Variants in MYOM1 observed in about 807,000 individuals in gnomAD.
MYOM1 encodes the protein myomesin 1.
A neutral mutation model predicts 205.3 loss-of-function variants in MYOM1; 164 were observed. That is an observed-to-expected ratio of 0.80 (90% CI 0.70 to 0.91). The LOEUF is 0.91. MYOM1 is among the 40% of genes least tolerant of loss of function. MYOM1 has a pLI of 0.00. For synonymous variants in MYOM1, 772 were observed against 789.4 expected (o/e 0.98, Z 0.37); for missense variants, 2,011 against 2,127.3 (o/e 0.95, Z 1.08).
intron 26 of MYOM1, among the ~76,000 whole-genome samples, chr18:3,092,027 C>T (rs1326670905): frequency 6.6e-6 from 1 of 151,530 alleles, no homozygotes; most frequent in Non-Finnish European, 1.5e-5. Flanking sequence ...CCACTGCTCC[C>T]GGCCTACATT....
At position 3,198,408 on chromosome 18, in the gene MYOM1, G is replaced by C. The variant is rs143644573; in HGVS notation, c.291-4450C>G. On this transcript the variant is annotated intron_variant, in intron 2 of 37. Transcript: ENST00000356443. The stretch of plus-strand genomic sequence containing the variant: ...CACTGCCTGTGACTACTCCAGAAGA[G>C]GGATGGTCTCAGTGATTTTTATATT... 4.4e-3 allele frequency among the ~76,000 whole-genome samples: 664 copies of C among 152,310 alleles called. 12 individuals carry two copies. The highest frequency in any genetic ancestry group is 0.035 in the East Asian group (183 of 5,188).
chr18:3,101,497 G>C (rs774411128), intron 23 of MYOM1, among the ~76,000 whole-genome samples: 7 of 152,158 alleles, frequency 4.6e-5, no homozygotes, highest in Non-Finnish European at 1.0e-4. Context: ...TTAAATAGCT[G>C]CCCAAGGTTA....
At chr18:3,212,471 T>A (rs1362975859) in intron 2 of MYOM1, among the ~76,000 whole-genome samples, 2 of 152,176 alleles carry the variant, frequency 1.3e-5, no homozygotes, top group African/African-American at 4.8e-5. Context: ...ATATAAAGAT[T>A]GCATATGTGG....
At chr18:3,164,827 G>A (rs1382576713) in intron 9 of MYOM1, among the ~76,000 whole-genome samples, 1 of 152,172 alleles carries the variant, frequency 6.6e-6, no homozygotes, top group Non-Finnish European at 1.5e-5. Flanking sequence ...AATTGTATAT[G>A]CAATCAATAA....
At chr18:3,136,583 C>T (rs2079969413) in intron 14 of MYOM1, among the ~76,000 whole-genome samples, 1 of 151,924 alleles carries the variant, frequency 6.6e-6, no homozygotes, top group African/African-American at 2.4e-5. Flanking sequence ...CATGCCACCA[C>T]ACCTGGCTAA....
intron 37 of MYOM1, among the ~76,000 whole-genome samples, chr18:3,069,162 A>G (rs2078932456): frequency 6.6e-6 from 1 of 152,110 alleles, no homozygotes; most frequent in African/African-American, 2.4e-5. Context: ...CAGAATATAC[A>G]AGTGATTCGG....
upstream of MYOM1, among the ~76,000 whole-genome samples, chr18:3,220,509 G>C (rs754905937): frequency 1.4e-4 from 21 of 152,184 alleles, no homozygotes; most frequent in Non-Finnish European, 2.9e-4. Flanking sequence ...GTGATTTCCT[G>C]TTCATTAACT....
chr18:3,169,123 C>G, intron 8 of MYOM1, 142 bp from the exon 9 acceptor site: 1 of 723,342 alleles, frequency 1.4e-6, no homozygotes, highest in Non-Finnish European at 2.2e-6. Context: ...CAAAATGAAA[C>G]CGTACATAAG....
intron 4 of MYOM1, among the ~76,000 whole-genome samples, chr18:3,188,501 T>C (rs2080853901): frequency 6.6e-6 from 1 of 151,444 alleles, no homozygotes; most frequent in South Asian, 2.1e-4. Context: ...TGGTGGCACG[T>C]GCCTGTAATC....
intron 17 of MYOM1, among the ~76,000 whole-genome samples, chr18:3,129,965 T>A (rs556632729): frequency 6.6e-6 from 1 of 152,288 alleles, no homozygotes; most frequent in East Asian, 1.9e-4. Context: ...ACTACAATAG[T>A]AATGGTCTGT....
At chr18:3,131,786 T>C (rs990614221) in intron 16 of MYOM1, among the ~76,000 whole-genome samples, 1 of 151,728 alleles carries the variant, frequency 6.6e-6, no homozygotes, top group African/African-American at 2.4e-5. Flanking sequence ...GTAGAAAGAT[T>C]CAGGTAATAT....
At chr18:3,204,172 T>C (rs2081103339) in intron 2 of MYOM1, among the ~76,000 whole-genome samples, 1 of 152,020 alleles carries the variant, frequency 6.6e-6, no homozygotes, top group Non-Finnish European at 1.5e-5. Context: ...AACCAAATGC[T>C]TTCCTCTTAA....
chr18:3,119,777 G>T, intron 20 of MYOM1, 92 bp downstream of exon 20: 2 of 1,433,384 alleles, frequency 1.4e-6, no homozygotes, highest in South Asian at 3.2e-5. Context: ...CTTAAATATT[G>T]ACCATATAGT....
chr18:3,074,557 T>C (rs1341498714), intron 36 of MYOM1, among the ~76,000 whole-genome samples: 2 of 152,202 alleles, frequency 1.3e-5, no homozygotes, highest in Non-Finnish European at 2.9e-5. Flanking sequence ...TGAGTTCTTC[T>C]AAAAATCTGT....
At chr18:3,201,163 C>T (rs778847963) in intron 2 of MYOM1, among the ~76,000 whole-genome samples, 4 of 152,128 alleles carry the variant, frequency 2.6e-5, no homozygotes, top group Admixed American at 1.3e-4. Context: ...CTTTGGGAGG[C>T]TGAAGGGGGT....
intron 33 of MYOM1, among the ~76,000 whole-genome samples, 186 bp downstream of exon 33, chr18:3,083,595 ATTTTTTTT>A (rs59299057): frequency 2.7e-4 from 29 of 107,116 alleles, no homozygotes; most frequent in African/African-American, 9.5e-4. Context: ...CGCCCAGCTC[ATTTTTTTT>A]TTTTTTTTTT....
At position 3,102,627 on chromosome 18, in the gene MYOM1, G is replaced by A; in HGVS notation, c.3422C>T (p.Thr1141Ile). The A allele has an allele frequency of 6.2e-7, 1 of 1,611,348 alleles. No homozygotes were observed. Among genetic ancestry groups the A allele is most frequent in the South Asian group, 1.1e-5 (1 of 90,578 alleles). ...GPVVAETRPG[T>I]KEVVVNVDDD... The stretch of plus-strand genomic sequence containing the variant: ...ATCCACATTTACAACAACCTCTTTG[G>A]TTCCTACAAGATCAAAAAGAAGGCA... The change falls in exon 23 of 38, where the codon ACC becomes ATC. Residue 1141 changes from threonine (T) to isoleucine (I), a missense_variant. Transcript: ENST00000356443.
At chr18:3,154,281 A>G (rs919327082) in intron 11 of MYOM1, among the ~76,000 whole-genome samples, 1 of 152,034 alleles carries the variant, frequency 6.6e-6, no homozygotes, top group Non-Finnish European at 1.5e-5. Context: ...CATCTTTGGA[A>G]TTTAGGTAAA....
At chr18:3,234,195 G>T in the MYOM1 span, among the ~76,000 whole-genome samples, 1 of 151,988 alleles carries the variant, frequency 6.6e-6, no homozygotes, top group Non-Finnish European at 1.5e-5. Context: ...AGAAGAAGAA[G>T]AATATAATGT....
Sources: gnomAD v4.1 joint callset for allele counts (sites outside exome capture counted in the v4.1 genomes callset) on GRCh38, gnomAD v4.1.1 for gene constraint, MANE v1.5 for transcripts, NCBI Gene and HGNC (gene_info 2026-07-23, HGNC 2026-07-21) for gene names.